The following HDAC6 variants were observed in gnomAD, a reference collection of about 807,000 sequenced individuals.
The protein encoded by HDAC6 is histone deacetylase 6.
In HDAC6, 5 loss-of-function variants were observed where a neutral mutation model predicts 88.9. The observed-to-expected ratio is 0.06, with a 90% CI of 0.03 to 0.12. The LOEUF is 0.12. Ranked by LOEUF, HDAC6 falls within the 10% of genes least tolerant of loss-of-function variation. The probability of loss-of-function intolerance (pLI) is 1.00; values close to 1 mark genes in which losing one functional copy is unlikely to be tolerated. For synonymous variants in HDAC6, 378 were observed against 398.0 expected (o/e 0.95, Z 0.60); for missense variants, 706 against 1,014.4 (o/e 0.70, Z 4.13).
intron 20 of HDAC6, chrX:48,817,684 G>T: frequency 2.4e-6 from 1 of 417,652 alleles, no homozygotes; most frequent in East Asian, 3.9e-5. Flanking sequence ...TACAAAACAG[G>T]ATCCAGGGTC....
At chrX:48,822,056 G>A (rs1368765500) in intron 23 of HDAC6, among the ~76,000 whole-genome samples, 4 of 111,666 alleles carry the variant, frequency 3.6e-5, no homozygotes, top group African/African-American at 1.3e-4. Flanking sequence ...AAAAAGAATA[G>A]CAACTGGGAT....
chrX:48,823,648 C>T (rs374499408), intron 25 of HDAC6, 24 bp from the exon 26 acceptor site: 1 of 1,193,649 alleles, frequency 8.4e-7, no homozygotes, highest in Non-Finnish European at 1.1e-6. Context: ...TTCTCTGATA[C>T]ATCTCTTACT....
chrX:48,824,184 A>G lies in HDAC6; in HGVS notation c.3469A>G (p.Ile1157Val). The change falls in exon 28 of 29, where the codon ATC becomes GTC. Residue 1157 changes from isoleucine to valine, a missense_variant. Coordinates refer to ENST00000334136, the MANE Select transcript of HDAC6 (RefSeq NM_006044.4). Reference sequence around the variant, plus strand: ...ACCTCAGGTCTACTGTGGTCGTTACATCAATGGCCACATGCTCCAACACCA... The same window carrying G: ...ACCTCAGGTCTACTGTGGTCGTTACGTCAATGGCCACATGCTCCAACACCA... ...SCYQVYCGRY[I>V]NGHMLQHHGN... 2 of 1,210,435 alleles carry G rather than the reference A, an allele frequency of 1.7e-6. No individual in the cohort carries two copies. Among genetic ancestry groups the G allele is most frequent in the East Asian group, 5.9e-5 (2 of 33,832 alleles).
At chrX:48,803,338 T>C in intron 4 of HDAC6, 122 bp downstream of exon 4, 2 of 544,046 alleles carry the variant, frequency 3.7e-6, no homozygotes. Flanking sequence ...TTTGGGGAGG[T>C]AGGGCTCACA....
At chrX:48,818,510 G>C in intron 22 of HDAC6, 98 bp downstream of exon 22, 7 of 723,660 alleles carry the variant, frequency 9.7e-6, no homozygotes, top group Non-Finnish European at 1.4e-5. Context: ...ACTACCATGT[G>C]GCTGATGATA....
At position 48,808,026 on chromosome X, in the gene HDAC6, T is replaced by C; in HGVS notation, c.633-7T>C. On this transcript the variant is annotated splice_region_variant and splice_polypyrimidine_tract_variant and intron_variant, in intron 8 of 28. Transcript: ENST00000334136. The stretch of plus-strand genomic sequence containing the variant: ...ACTCCAAGCTGTTATTTCCTTGTCT[T>C]GCCCAGGCCTCCTGGACATCACGCC... 1 of 1,184,247 alleles carries C rather than the reference T, an allele frequency of 8.4e-7. No homozygotes were observed. Among genetic ancestry groups the C allele is most frequent in the South Asian group, 1.8e-5 (1 of 54,682 alleles).
At chrX:48,812,971 G>C (rs919836154) in intron 10 of HDAC6, among the ~76,000 whole-genome samples, 3 of 110,674 alleles carry the variant, frequency 2.7e-5, no homozygotes, top group Middle Eastern at 4.7e-3. Context: ...GCAGTGGCCC[G>C]ATCTCGGCTC....
Position 48,806,468 on chromosome X carries a change from T to C in HDAC6, c.534+4T>C. 5 of 1,151,786 alleles carry C rather than the reference T, an allele frequency of 4.3e-6. No individual in the cohort carries two copies. The highest frequency in any genetic ancestry group is 6.0e-6 in the Non-Finnish European group (5 of 840,269). 94.9% of individuals were successfully genotyped at this position (1,151,786 alleles called of 1,213,427 possible). A position where few individuals can be genotyped will look rare whatever the true frequency, so the allele number is the denominator to read the frequency against. ...CGACTCAGTTTATCTGCATCCGGTA[T>C]GGATGAGAACTCTGCGGGCAGGGAA... On this transcript the variant is annotated splice_donor_region_variant and intron_variant, in intron 7 of 28. Transcript: ENST00000334136.
chrX:48,807,602 TC>T (rs1392282298), intron 8 of HDAC6, among the ~76,000 whole-genome samples: 2 of 112,109 alleles, frequency 1.8e-5, no homozygotes, highest in Non-Finnish European at 3.8e-5. Context: ...AACCTCTGCC[TC>T]CCAGGTTCAA....
intron 22 of HDAC6, 65 bp from the exon 23 acceptor site, chrX:48,820,041 A>G (rs1557029211): frequency 6.3e-6 from 7 of 1,113,116 alleles, no homozygotes; most frequent in Non-Finnish European, 8.6e-6. Context: ...CTGGGTCGCC[A>G]TCACTTACTG....
intron 1 of HDAC6, chrX:48,802,404 T>C: frequency 1.1e-6 from 1 of 930,626 alleles, no homozygotes; most frequent in Non-Finnish European, 1.4e-6. Flanking sequence ...GGCTCATTGC[T>C]CCGTGAAAGG....
In HDAC6 at chrX:48,814,487, C is replaced by A; in HGVS notation, c.854C>A (p.Pro285His). Residue 285 changes from proline to histidine, a missense_variant, in exon 11 of 29, where the codon CCC (proline) becomes CAC (histidine). Pro to His is a moderately conservative substitution (Grantham distance 77, BLOSUM62 -2). Coordinates refer to ENST00000334136, the MANE Select transcript of HDAC6 (RefSeq NM_006044.4). ...CGCTACGAGCAGGGTAGGTTCTGGC[C>A]CCACCTGAAGGCCTCTAACTGGTCC... is the stretch of plus-strand genomic sequence containing the variant. ...IHRYEQGRFW[P>H]HLKASNWSTT... 1 of 1,211,385 alleles carries A rather than the reference C, an allele frequency of 8.3e-7. No homozygotes were observed.
intron 14 of HDAC6, 88 bp downstream of exon 14, chrX:48,815,139 G>A: frequency 1.3e-6 from 1 of 789,412 alleles, no homozygotes; most frequent in South Asian, 2.3e-5. Flanking sequence ...TCCTGGCCCA[G>A]GAATTCACTT....
intron 10 of HDAC6, among the ~76,000 whole-genome samples, chrX:48,811,523 T>C (rs2062901289): frequency 8.9e-6 from 1 of 112,315 alleles, no homozygotes; most frequent in African/African-American, 3.2e-5. Context: ...TCTGTTTTCC[T>C]GAAAGGCATT....
chrX:48,810,414 T>C, intron 10 of HDAC6, among the ~76,000 whole-genome samples: 1 of 111,020 alleles, frequency 9.0e-6, no homozygotes, highest in Middle Eastern at 4.7e-3. Flanking sequence ...TTTCACTCTG[T>C]TTAATAGTAG....
intron 4 of HDAC6, among the ~76,000 whole-genome samples, chrX:48,804,279 T>A (rs2062778005): frequency 8.9e-6 from 1 of 112,339 alleles, no homozygotes; most frequent in African/African-American, 3.2e-5. Context: ...TCCACATCAC[T>A]TTGTGACCTC....
intron 22 of HDAC6, 75 bp downstream of exon 22, chrX:48,818,487 ATGTG>A: frequency 2.3e-6 from 2 of 874,255 alleles, no homozygotes; most frequent in Non-Finnish European, 3.2e-6. Flanking sequence ...CCTCCTTGGC[ATGTG>A]TGTGTGTGAC....
At chrX:48,816,762 GA>G in intron 19 of HDAC6, 129 bp downstream of exon 19, 1 of 427,664 alleles carries the variant, frequency 2.3e-6, no homozygotes, top group Non-Finnish European at 3.8e-6. Flanking sequence ...AGGGGCACGG[GA>G]GGGGGTGGGC....
upstream of HDAC6, chrX:48,801,953 A>T (rs1420235592): frequency 9.3e-6 from 9 of 967,072 alleles, no homozygotes; most frequent in Non-Finnish European, 1.1e-5. Flanking sequence ...CGGTGAGTAC[A>T]GCGCGTCGAC....
Sources: gnomAD v4.1 joint callset for allele counts (sites outside exome capture counted in the v4.1 genomes callset) on GRCh38, gnomAD v4.1.1 for gene constraint, MANE v1.5 for transcripts, NCBI Gene and HGNC (gene_info 2026-07-23, HGNC 2026-07-21) for gene names.